The following TRPC5 variants were observed in gnomAD, a reference collection of about 807,000 sequenced individuals.
TRPC5 encodes transient receptor potential cation channel subfamily C member 5.
Under a neutral mutation model 56.5 loss-of-function variants are expected in TRPC5, and 9 were observed. That is an observed-to-expected ratio of 0.16 (90% CI 0.10 to 0.28). The LOEUF is 0.28. Among genes scored for constraint, TRPC5 ranks in the 10% least tolerant of loss-of-function variants. The pLI is 1.00. For synonymous variants in TRPC5, 282 were observed against 278.5 expected, an observed-to-expected ratio of 1.01 and a Z score of -0.13; for missense variants, 469 against 748.9, an observed-to-expected ratio of 0.63 and a Z score of 4.36.
At chrX:111,972,710 A>G (rs1927817453) in intron 1 of TRPC5, among the ~76,000 whole-genome samples, 1 of 112,216 alleles carries the variant, frequency 8.9e-6, no homozygotes, top group Admixed American at 9.4e-5. Flanking sequence ...GGGCTGCCAA[A>G]TATCACCCAT....
chrX:111,783,298 A>T (rs1399811442), intron 7 of TRPC5, among the ~76,000 whole-genome samples: 1 of 111,616 alleles, frequency 9.0e-6, no homozygotes, highest in African/African-American at 3.3e-5. Context: ...TATACGTTTA[A>T]TTTTTCTAAC....
intron 3 of TRPC5, among the ~76,000 whole-genome samples, chrX:111,873,804 A>T (rs1170751144): frequency 3.6e-5 from 4 of 110,582 alleles, no homozygotes; most frequent in African/African-American, 1.3e-4. Flanking sequence ...AAATAAAAAA[A>T]ATTTGAAATA....
chrX:111,975,173 G>A lies in TRPC5; in HGVS notation c.-21-22732C>T, dbSNP rs1370747430. Among the ~76,000 whole-genome samples, 4 of 111,216 alleles carry A rather than the reference G, an allele frequency of 3.6e-5. No homozygotes were observed. In the East Asian group the frequency reaches 8.5e-4, roughly 24 times the overall value. The stretch of plus-strand genomic sequence containing the variant: ...GCCAGGGAATTGAGGGTTGCTCCAC[G>A]TCAGCAAAAGGTGGGAGAATTATTA... On this transcript the variant is annotated intron_variant, in intron 1 of 10. Coordinates refer to ENST00000262839, the MANE Select transcript of TRPC5 (RefSeq NM_012471.3).
In TRPC5 at chrX:111,902,181, A is replaced by G; in HGVS notation, c.900+10110T>C. 3 of 1,102,233 alleles carry G rather than the reference A, an allele frequency of 2.7e-6. No homozygotes were observed. In the South Asian group the frequency reaches 6.7e-5, roughly 25 times the overall value. 90.8% of individuals were successfully genotyped at this position (1,102,233 alleles called of 1,213,427 possible). A position where few individuals can be genotyped will look rare whatever the true frequency, so the allele number is the denominator to read the frequency against. ...GGTATAAATGATGACTTAACAGGTG[A>G]CTAAGACCCAATTTCTGCCCCCGTC... On this transcript the variant is annotated intron_variant, in intron 3 of 10. Coordinates refer to ENST00000262839, the MANE Select transcript of TRPC5 (RefSeq NM_012471.3).
At chrX:111,892,439 A>T (rs1924849750) in intron 3 of TRPC5, among the ~76,000 whole-genome samples, 1 of 112,096 alleles carries the variant, frequency 8.9e-6, no homozygotes, top group East Asian at 2.8e-4. Context: ...TACGAGGTGG[A>T]GGGCATTCTC....
chrX:111,815,321 G>C (rs1171066383), intron 7 of TRPC5, among the ~76,000 whole-genome samples: 2 of 111,496 alleles, frequency 1.8e-5, no homozygotes, highest in Non-Finnish European at 3.8e-5. Context: ...TTATGCTCTG[G>C]GGGTGGGAGG....
intron 7 of TRPC5, among the ~76,000 whole-genome samples, chrX:111,828,006 G>A (rs1922292062): frequency 8.9e-6 from 1 of 111,858 alleles, no homozygotes; most frequent in South Asian, 3.8e-4. Flanking sequence ...AGGTGTCAAT[G>A]TGGCTGAGCT....
rs1394422146 is a variant in TRPC5 at position 112,009,191 on chromosome X, A to G, written c.-21-56750T>C. 2.7e-5 allele frequency among the ~76,000 whole-genome samples: 3 copies of G among 111,632 alleles called. No individual in the cohort carries two copies. In the East Asian group the frequency reaches 8.4e-4, roughly 31 times the overall value. On this transcript the variant is annotated intron_variant, in intron 1 of 10. Coordinates refer to ENST00000262839, the MANE Select transcript of TRPC5 (RefSeq NM_012471.3). ...GGATCCTCTGCCACTGCAGAAGAGA[A>G]CCTAGCTGCCATGTGTCACGTTTGA... is the stretch of plus-strand genomic sequence containing the variant.
intron 1 of TRPC5, among the ~76,000 whole-genome samples, chrX:111,992,428 A>G (rs1272181119): frequency 3.6e-5 from 4 of 111,422 alleles, no homozygotes; most frequent in African/African-American, 1.3e-4. Flanking sequence ...GAGAAAAATT[A>G]TCATATGGCA....
chrX:111,793,471 G>T (rs1308044931), intron 7 of TRPC5, among the ~76,000 whole-genome samples: 1 of 111,921 alleles, frequency 8.9e-6, no homozygotes. Flanking sequence ...TTAATCATTA[G>T]GAAAATTCAA....
At chrX:112,068,789 G>C (rs1930648175) in intron 1 of TRPC5, among the ~76,000 whole-genome samples, 1 of 111,967 alleles carries the variant, frequency 8.9e-6, no homozygotes, top group Non-Finnish European at 1.9e-5. Flanking sequence ...TGCTTCACTG[G>C]GTAAATGCCT....
Position 111,768,611 on chromosome X carries a change from C to G in TRPC5, c.*7702G>C, listed in dbSNP as rs767921677. 2.7e-5 allele frequency among the ~76,000 whole-genome samples: 3 copies of G among 112,027 alleles called. No individual in the cohort carries two copies. Among genetic ancestry groups the G allele is most frequent in the Admixed American group, 9.5e-5 (1 of 10,567 alleles). On this transcript the variant is annotated 3_prime_UTR_variant, in exon 11 of 11. Transcript: ENST00000262839. ...TTATCTGAAGTGTCCTGGGGAAGGT[C>G]TGTGTCTTTACTGTTGAGATAAGAT...
chrX:112,009,907 A>C (rs1928946985), intron 1 of TRPC5, among the ~76,000 whole-genome samples: 1 of 111,368 alleles, frequency 9.0e-6, no homozygotes, highest in African/African-American at 3.3e-5. Flanking sequence ...ACGACGAGTT[A>C]ATGGGTGCAG....
At position 111,993,079 on chromosome X, in the gene TRPC5, G is replaced by A. The variant is rs1413832039; in HGVS notation, c.-21-40638C>T. ...CCCCCACCCCCTGACAGGCCCCGGC[G>A]TGTGATGTTCCATGCCCTGTGTCCA... On this transcript the variant is annotated intron_variant, in intron 1 of 10. Transcript: ENST00000262839. Among the ~76,000 whole-genome samples the A allele has an allele frequency of 8.9e-5, 8 of 89,464 alleles. No homozygotes were observed. In the East Asian group the frequency reaches 2.0e-3, roughly 23 times the overall value. 77.7% of individuals were successfully genotyped at this position (89,464 alleles called of 115,157 possible).
intron 1 of TRPC5, among the ~76,000 whole-genome samples, chrX:111,987,030 T>C (rs1011673423): frequency 5.4e-5 from 6 of 111,331 alleles, no homozygotes; most frequent in Admixed American, 1.9e-4. Context: ...ATTACATTTG[T>C]TGGTTTGCAA....
chrX:112,037,655 C>T (rs1381529717), intron 1 of TRPC5, among the ~76,000 whole-genome samples: 1 of 111,322 alleles, frequency 9.0e-6, no homozygotes, highest in Non-Finnish European at 1.9e-5. Context: ...TTACTCTTAC[C>T]CTTTTCTACA....
rs866979920 is a variant in TRPC5, at chrX:112,023,256, T to G, written c.-22+58623A>C. Among the ~76,000 whole-genome samples the G allele has an allele frequency of 9.4e-3, 860 of 91,391 alleles. 32 individuals carry two copies. The highest frequency in any genetic ancestry group is 0.085 in the Admixed American group (728 of 8,592). 79.4% of individuals were successfully genotyped at this position (91,391 alleles called of 115,157 possible). A position where few individuals can be genotyped will look rare whatever the true frequency, so the allele number is the denominator to read the frequency against. On this transcript the variant is annotated intron_variant, in intron 1 of 10. Transcript: ENST00000262839. Reference sequence around the variant, plus strand: ...GCAGTTTTTTTTTTTGTTTTTTTTTTTTTTTTTTTTTTTTTTTTTACAAAC... The same window carrying G: ...GCAGTTTTTTTTTTTGTTTTTTTTTGTTTTTTTTTTTTTTTTTTTACAAAC...
rs145846195 is a variant in TRPC5, at chrX:111,975,157, T to C, written c.-21-22716A>G. On this transcript the variant is annotated intron_variant, in intron 1 of 10. Coordinates refer to ENST00000262839, the MANE Select transcript of TRPC5 (RefSeq NM_012471.3). ...GAATTATTAACTGCTTGCCAGGGAA[T>C]TGAGGGTTGCTCCACGTCAGCAAAA... 2.8e-4 allele frequency among the ~76,000 whole-genome samples: 31 copies of C among 111,030 alleles called. No homozygotes were observed. The East Asian group carries it at 8.9e-3, about 32-fold the overall frequency.
intron 6 of TRPC5, among the ~76,000 whole-genome samples, chrX:111,836,369 G>T (rs777776880): frequency 2.5e-4 from 28 of 111,886 alleles, no homozygotes; most frequent in Admixed American, 4.7e-4. Context: ...AAAATGTGTC[G>T]TTCTTAATGA....
Sources: gnomAD v4.1 joint callset for allele counts (sites outside exome capture counted in the v4.1 genomes callset) on GRCh38, gnomAD v4.1.1 for gene constraint, MANE v1.5 for transcripts, NCBI Gene and HGNC (gene_info 2026-07-23, HGNC 2026-07-21) for gene names.